SLC25A28: variants seen among roughly 807,000 people sequenced by gnomAD.
SLC25A28 encodes mitoferrin-2.
Under a neutral mutation model 31.9 loss-of-function variants are expected in SLC25A28, and 10 were observed. That is an observed-to-expected ratio of 0.31 (90% CI 0.19 to 0.53). The LOEUF is 0.53. Ranked by LOEUF, SLC25A28 falls within the 20% of genes least tolerant of loss-of-function variation. SLC25A28 has a pLI of 0.95. For missense variants in SLC25A28, 256 were observed against 490.3 expected (o/e 0.52, Z 4.51); for synonymous variants, 208 against 203.6 (o/e 1.02, Z -0.19).
the SLC25A28 span, among the ~76,000 whole-genome samples, chr10:99,644,879 G>A: frequency 6.6e-6 from 1 of 152,082 alleles, no homozygotes; most frequent in Non-Finnish European, 1.5e-5. Flanking sequence ...GTTGAATATT[G>A]GCCCCCACTC....
chr10:99,624,833 T>G (rs1275609648), upstream of SLC25A28, among the ~76,000 whole-genome samples: 1 of 151,772 alleles, frequency 6.6e-6, no homozygotes, highest in African/African-American at 2.4e-5. Context: ...AGACCCTATC[T>G]CAAAGAAAAA....
the SLC25A28 span, among the ~76,000 whole-genome samples, chr10:99,627,261 C>G: frequency 1.3e-5 from 2 of 151,716 alleles, no homozygotes; most frequent in Non-Finnish European, 2.9e-5. Flanking sequence ...AAAAAAAAGT[C>G]TTTTTTTGGA....
the SLC25A28 span, chr10:99,653,784 G>T: frequency 6.6e-6 from 1 of 152,138 alleles, no homozygotes; most frequent in Non-Finnish European, 1.5e-5. Context: ...CTCCCATCTA[G>T]ATTAAGCCCA....
At chr10:99,623,958 G>C (rs1026814300), upstream of SLC25A28, among the ~76,000 whole-genome samples, 1 of 152,228 alleles carries the variant, frequency 6.6e-6, no homozygotes, top group Non-Finnish European at 1.5e-5. Context: ...GATGATAAAT[G>C]ATGTTACCTG....
At chr10:99,650,835 C>T in the SLC25A28 span, among the ~76,000 whole-genome samples, 1 of 152,186 alleles carries the variant, frequency 6.6e-6, no homozygotes, top group Non-Finnish European at 1.5e-5. Flanking sequence ...AGGGCAACAG[C>T]TGCAGCCATG....
chr10:99,645,840 T>G, the SLC25A28 span, among the ~76,000 whole-genome samples: 5 of 152,366 alleles, frequency 3.3e-5, no homozygotes, highest in South Asian at 1.0e-3. Context: ...CAGACTCTGT[T>G]TGCCTGGGTA....
chr10:99,642,837 T>A, the SLC25A28 span, among the ~76,000 whole-genome samples: 2 of 152,218 alleles, frequency 1.3e-5, no homozygotes, highest in Non-Finnish European at 2.9e-5. Context: ...GTGGTTTTTG[T>A]CTTTGGTTCT....
chr10:99,611,476 G>A lies in SLC25A28; in HGVS notation c.578-110C>T, dbSNP rs1055441448. The A allele has an allele frequency of 3.6e-6, 5 of 1,380,408 alleles. No individual in the cohort carries two copies. The highest frequency in any genetic ancestry group is 4.4e-5 in the Admixed American group (2 of 45,264). 85.5% of individuals were successfully genotyped at this position (1,380,408 alleles called of 1,614,324 possible). A position where few individuals can be genotyped will look rare whatever the true frequency, so the allele number is the denominator to read the frequency against. ...CAGATCAGCCAATGGAATAGAGAGAGAAAAAAGTATGAGTGAGCTGCTGGC... is the reference window on the plus strand; with the variant it reads ...CAGATCAGCCAATGGAATAGAGAGAAAAAAAAGTATGAGTGAGCTGCTGGC... On this transcript the variant is annotated intron_variant, in intron 3 of 3. Coordinates refer to ENST00000370495, the MANE Select transcript of SLC25A28 (RefSeq NM_031212.4). The surrounding 1 kb of genome is among the most constrained non-coding windows in gnomAD (Gnocchi z 5.5).
chr10:99,656,540 G>T, the SLC25A28 span, among the ~76,000 whole-genome samples: 1 of 152,082 alleles, frequency 6.6e-6, no homozygotes, highest in Non-Finnish European at 1.5e-5. Flanking sequence ...AAGAGAGATG[G>T]GTAAACTTGG....
upstream of SLC25A28, chr10:99,620,523 C>G (rs941386590): frequency 1.9e-6 from 2 of 1,033,380 alleles, no homozygotes; most frequent in African/African-American, 3.5e-5. Context: ...CCACCCCTTT[C>G]CTTACGTACG....
chr10:99,620,815 G>C (rs563996631), upstream of SLC25A28: 3 of 985,362 alleles, frequency 3.0e-6, no homozygotes, highest in Non-Finnish European at 3.6e-6. Flanking sequence ...GACGCGCCCA[G>C]GGACTCTAGG....
rs1375997224 is a variant in SLC25A28, at chr10:99,611,305, C to T, written c.639G>A (p.Arg213=). 1.2e-6 allele frequency: 2 copies of T among 1,613,946 alleles called. No homozygotes were observed. The highest frequency in any genetic ancestry group is 1.7e-6 in the Non-Finnish European group (2 of 1,180,032). ...CGGCCCCTTCATTTTGCCACACTGCCCGTACACAGTCTGTCACCCGGTGGT... is the reference window on the plus strand; with the variant it reads ...CGGCCCCTTCATTTTGCCACACTGCTCGTACACAGTCTGTCACCCGGTGGT... The part of the protein sequence containing the change: ...SPYHRVTDCV[R]AVWQNEGAGA... Residue 213 remains arginine, a synonymous_variant, in exon 4 of 4, where the codon CGG becomes CGA. Transcript: ENST00000370495. The surrounding 1 kb of genome is among the most constrained non-coding windows in gnomAD (Gnocchi z 5.5).
At chr10:99,630,577 T>G in the SLC25A28 span, among the ~76,000 whole-genome samples, 1 of 152,200 alleles carries the variant, frequency 6.6e-6, no homozygotes, top group East Asian at 1.9e-4. Context: ...ATCACCACAC[T>G]AGTTCTGAAC....
At chr10:99,628,672 T>G in the SLC25A28 span, among the ~76,000 whole-genome samples, 1 of 152,150 alleles carries the variant, frequency 6.6e-6, no homozygotes, top group Non-Finnish European at 1.5e-5. Context: ...TAAAAATTAA[T>G]TAGCCGGGTG....
chr10:99,622,321 CTT>C (rs1392248272), upstream of SLC25A28, among the ~76,000 whole-genome samples: 1 of 152,136 alleles, frequency 6.6e-6, no homozygotes, highest in Non-Finnish European at 1.5e-5. Context: ...CAAAGCAAGA[CTT>C]TGTCTCAAAA....
the SLC25A28 span, among the ~76,000 whole-genome samples, chr10:99,655,609 T>A: frequency 1.3e-5 from 2 of 152,186 alleles, no homozygotes; most frequent in African/African-American, 2.4e-5. Context: ...CGTTTTTTTC[T>A]TTCAATAATT....
the SLC25A28 span, among the ~76,000 whole-genome samples, chr10:99,641,498 T>C: frequency 6.6e-6 from 1 of 152,216 alleles, no homozygotes; most frequent in Non-Finnish European, 1.5e-5. Context: ...TTGTAACAAT[T>C]TTCTCCCATT....
the SLC25A28 span, among the ~76,000 whole-genome samples, chr10:99,629,000 T>C: frequency 6.6e-6 from 1 of 152,214 alleles, no homozygotes; most frequent in African/African-American, 2.4e-5. Context: ...AGAATTACTA[T>C]ATGACCCAGC....
At position 99,613,164 on chromosome 10, in the gene SLC25A28, A is replaced by G. The variant is rs557105987; in HGVS notation, c.520+532T>C. Among the ~76,000 whole-genome samples, 1 of 152,202 alleles carries G rather than the reference A, an allele frequency of 6.6e-6. No individual in the cohort carries two copies. The highest frequency in any genetic ancestry group is 1.9e-4 in the East Asian group (1 of 5,180). The stretch of plus-strand genomic sequence containing the variant: ...CTGCTATCCTTTCTCTTACTTCCAC[A>G]CAACCTTCTGGTTTCTTCATGCAGT... On this transcript the variant is annotated intron_variant, in intron 2 of 3. Coordinates refer to ENST00000370495, the MANE Select transcript of SLC25A28 (RefSeq NM_031212.4). This position sits in a 1 kb window ranked among gnomAD's most constrained non-coding sequence, Gnocchi z 4.9.
Sources: gnomAD v4.1 joint callset for allele counts (sites outside exome capture counted in the v4.1 genomes callset) on GRCh38, gnomAD v4.1.1 for gene constraint, Gnocchi (gnomAD v3.1) non-coding constraint, MANE v1.5 for transcripts, NCBI Gene and HGNC (gene_info 2026-07-23, HGNC 2026-07-21) for gene names.